Variants in CYP51A1 observed in about 807,000 individuals in gnomAD.
The protein encoded by CYP51A1 is cytochrome P450 family 51 subfamily A member 1.
A neutral mutation model predicts 53.5 loss-of-function variants in CYP51A1; 45 were observed. The observed-to-expected ratio is 0.84, with a 90% CI of 0.66 to 1.08. The LOEUF (loss-of-function observed/expected upper bound fraction) is 1.08, where lower values mean the gene tolerates loss of function less well. CYP51A1 is among the 50% of genes least tolerant of loss of function. CYP51A1 has a pLI of 0.00. For synonymous variants in CYP51A1, 181 were observed against 217.7 expected (o/e 0.83, Z 1.48); for missense variants, 462 against 621.7 (o/e 0.74, Z 2.73).
At chr7:92,121,298 G>T (rs1024300772) in intron 7 of CYP51A1, among the ~76,000 whole-genome samples, 5 of 149,278 alleles carry the variant, frequency 3.3e-5, no homozygotes, top group Admixed American at 6.7e-5. Flanking sequence ...AAAAAAAAAA[G>T]TATCACTTCA....
intron 9 of CYP51A1, 129 bp downstream of exon 9, chr7:92,116,914 TA>T: frequency 2.6e-6 from 2 of 783,140 alleles, no homozygotes; most frequent in Non-Finnish European, 3.9e-6. Flanking sequence ...ATTCTTCTCC[TA>T]AAAAAGTTTG....
chr7:92,127,595 G>A lies in CYP51A1; in HGVS notation c.505C>T (p.Leu169Phe). Residue 169 changes from leucine (L) to phenylalanine (F), a missense_variant, in exon 4 of 10, where the codon CTT (leucine) becomes TTT (phenylalanine). By Grantham distance (22) the Leu-to-Phe change is conservative. Coordinates refer to ENST00000003100, the MANE Select transcript of CYP51A1 (RefSeq NM_000786.4). The part of the protein sequence containing the change: ...LEQKKMLKSG[L>F]NIAHFKQHVS... ...TGCTGTTTAAAGTGGGCTATGTTAA[G>A]GCCACTTTTTAACATTTTCTTCTGC... 1 of 1,613,334 alleles carries A rather than the reference G, an allele frequency of 6.2e-7. No homozygotes were observed. The highest frequency in any genetic ancestry group is 8.5e-7 in the Non-Finnish European group (1 of 1,179,670).
At position 92,126,313 on chromosome 7, in the gene CYP51A1, T is replaced by A; in HGVS notation, c.710A>T (p.Asp237Val). 6.2e-7 allele frequency: 1 copy of A among 1,612,038 alleles called. No individual in the cohort carries two copies. Among genetic ancestry groups the A allele is most frequent in the Non-Finnish European group, 8.5e-7 (1 of 1,179,614 alleles). ...CCAGGCTGCATGGCTGAAACCTCCATCCAAATCTGCATACAGCTGTGCTAC... is the reference window on the plus strand; with the variant it reads ...CCAGGCTGCATGGCTGAAACCTCCAACCAAATCTGCATACAGCTGTGCTAC... Reference protein sequence around the residue: ...EKVAQLYADLDGGFSHAAWLL... With the variant: ...EKVAQLYADLVGGFSHAAWLL... Residue 237 changes from aspartate (D) to valine (V), a missense_variant, in exon 5 of 10, where the codon GAT becomes GTT. Coordinates refer to ENST00000003100, the MANE Select transcript of CYP51A1 (RefSeq NM_000786.4).
intron 9 of CYP51A1, among the ~76,000 whole-genome samples, chr7:92,116,127 C>G (rs35653487): frequency 0.4 from 60,420 of 152,032 alleles, 12,313 homozygotes; most frequent in African/African-American, 0.46. Context: ...CAAAAATTAG[C>G]TGAGCGTGGT....
At position 92,131,852 on chromosome 7, in the gene CYP51A1, G is replaced by C. The variant is rs1819927319; in HGVS notation, c.213C>G (p.Phe71Leu). Residue 71 changes from phenylalanine (F) to leucine (L), a missense_variant, in exon 2 of 10, where the codon TTC (phenylalanine) becomes TTG (leucine). Transcript: ENST00000003100. ...PAGVKSPPYI[F>L]SPIPFLGHAI... ...CATGCCCAAGGAATGGAATTGGGGA[G>C]AAAATGTATGGAGGACTTTTCTACA... 2 of 1,592,692 alleles carry C rather than the reference G, an allele frequency of 1.3e-6. No homozygotes were observed. Among genetic ancestry groups the C allele is most frequent in the African/African-American group, 2.7e-5 (2 of 74,292 alleles).
At chr7:92,129,647 C>G (rs1372591770) in intron 2 of CYP51A1, among the ~76,000 whole-genome samples, 1 of 152,054 alleles carries the variant, frequency 6.6e-6, no homozygotes, top group African/African-American at 2.4e-5. Flanking sequence ...TGATTGAAGA[C>G]TAGACTCTGG....
chr7:92,128,795 A>G (rs1819858586), intron 3 of CYP51A1, 85 bp downstream of exon 3: 1 of 1,237,934 alleles, frequency 8.1e-7, no homozygotes, highest in African/African-American at 1.5e-5. Flanking sequence ...GGCTGTTTCT[A>G]CATTTTAAAT....
At chr7:92,130,685 A>C (rs1463544060) in intron 2 of CYP51A1, among the ~76,000 whole-genome samples, 2 of 152,238 alleles carry the variant, frequency 1.3e-5, no homozygotes, top group African/African-American at 4.8e-5. Context: ...GCATATTTGA[A>C]ATTGAGAAAA....
intron 3 of CYP51A1, 110 bp downstream of exon 3, chr7:92,128,770 T>G: frequency 3.0e-6 from 3 of 997,864 alleles, no homozygotes; most frequent in Non-Finnish European, 4.4e-6. Flanking sequence ...ATTACAGGAA[T>G]GAGCCACCAT....
chr7:92,126,218 TA>T, intron 5 of CYP51A1, 34 bp downstream of exon 5: 1 of 1,463,012 alleles, frequency 6.8e-7, no homozygotes, highest in Non-Finnish European at 9.2e-7. Flanking sequence ...TATACAAAGT[TA>T]AATAACCTAG....
chr7:92,121,774 C>T (rs1819698021), intron 7 of CYP51A1, among the ~76,000 whole-genome samples: 1 of 152,162 alleles, frequency 6.6e-6, no homozygotes, highest in Non-Finnish European at 1.5e-5. Context: ...GGCAAACTCA[C>T]AGAGGCAAAA....
chr7:92,118,049 A>G (rs541646773), intron 8 of CYP51A1, among the ~76,000 whole-genome samples: 2 of 151,480 alleles, frequency 1.3e-5, no homozygotes, highest in East Asian at 3.9e-4. Flanking sequence ...ATATGTTTTT[A>G]GAGTATATAA....
intron 2 of CYP51A1, 52 bp from the exon 3 acceptor site, chr7:92,129,108 C>T (rs4729021): frequency 5.1e-6 from 6 of 1,185,032 alleles, no homozygotes; most frequent in South Asian, 4.9e-5. Context: ...TGCAACACTA[C>T]GACAGTAACT....
rs957151238 is a variant in CYP51A1 at position 92,129,037 on chromosome 7, A to C, written c.311T>G (p.Phe104Cys). ...AYEKYGPVFS[F>C]TMVGKTFTYL... ...AGTAAATGTCTTGCCTACCATGGTA[A>C]AACTAAATACAGGTCCATACTAAAA... is the stretch of plus-strand genomic sequence containing the variant. Residue 104 changes from phenylalanine to cysteine, a missense_variant, in exon 3 of 10, where the codon TTT becomes TGT. Transcript: ENST00000003100. 3.7e-6 allele frequency: 6 copies of C among 1,613,304 alleles called. No individual in the cohort carries two copies. The African/African-American group carries it at 5.3e-5, about 14-fold the overall frequency.
At chr7:92,133,464 T>C (rs1819965626) in intron 1 of CYP51A1, among the ~76,000 whole-genome samples, 1 of 152,132 alleles carries the variant, frequency 6.6e-6, no homozygotes, top group Admixed American at 6.5e-5. Flanking sequence ...ATGGGGTTTC[T>C]CCATGTTGTT....
intron 3 of CYP51A1, among the ~76,000 whole-genome samples, chr7:92,128,645 C>T (rs1295455931): frequency 2.6e-5 from 4 of 151,940 alleles, no homozygotes; most frequent in African/African-American, 9.7e-5. Flanking sequence ...CCACCAGCCC[C>T]ACCCAGCTAA....
chr7:92,113,609 G>T lies in CYP51A1; in HGVS notation c.*56C>A, dbSNP rs369608214. 1.4e-5 allele frequency: 21 copies of T among 1,493,034 alleles called. No individual in the cohort carries two copies. The highest frequency in any genetic ancestry group is 1.9e-5 in the Non-Finnish European group (21 of 1,086,078). The allele number at this position is 1,493,034 out of a possible 1,614,324, so 92.5% of individuals were successfully genotyped here. ...TTGTTTTGTACACTTCATTCTCTTC[G>T]AATGCCTTTGTGGCTTACAGTGATA... On this transcript the variant is annotated 3_prime_UTR_variant, in exon 10 of 10. Transcript: ENST00000003100.
rs1252671980 is a variant in CYP51A1, at chr7:92,113,851, AAAG to A, written c.1352-11_1352-9del. On this transcript the variant is annotated splice_polypyrimidine_tract_variant and intron_variant, in intron 9 of 9. Coordinates refer to ENST00000003100, the MANE Select transcript of CYP51A1 (RefSeq NM_000786.4). The stretch of plus-strand genomic sequence containing the variant: ...CAATACAACGATGACGCCCTAAAAA[AAAG>A]AAAAAGTTATAAGAATCAGTTTAAA... The A allele has an allele frequency of 6.4e-7, 1 of 1,573,024 alleles. No homozygotes were observed. Among genetic ancestry groups the A allele is most frequent in the African/African-American group, 1.4e-5 (1 of 72,436 alleles).
At chr7:92,127,672 AT>A in intron 3 of CYP51A1, 41 bp from the exon 4 acceptor site, 1 of 1,605,888 alleles carries the variant, frequency 6.2e-7, no homozygotes, top group Non-Finnish European at 8.5e-7. Flanking sequence ...ATTAAAACAC[AT>A]TTTTGTTTTA....
Sources: gnomAD v4.1 joint callset for allele counts (sites outside exome capture counted in the v4.1 genomes callset) on GRCh38, gnomAD v4.1.1 for gene constraint, MANE v1.5 for transcripts, NCBI Gene and HGNC (gene_info 2026-07-23, HGNC 2026-07-21) for gene names.